The following HMCN2 variants were observed in gnomAD, a reference collection of about 807,000 sequenced individuals.
HMCN2 encodes the protein hemicentin 2.
Under a neutral mutation model 377.5 loss-of-function variants are expected in HMCN2, and 325 were observed. That is an observed-to-expected ratio of 0.86 (90% CI 0.79 to 0.94). HMCN2 has a LOEUF of 0.94. Among genes scored for constraint, HMCN2 ranks in the 40% least tolerant of loss-of-function variants. The pLI is 0.00. For synonymous variants in HMCN2, 2,007 were observed against 2,046.8 expected (o/e 0.98, Z 0.53); for missense variants, 4,543 against 4,725.3 (o/e 0.96, Z 1.13).
intron 23 of HMCN2, chr9:130,338,649 G>T (rs1032898342): frequency 1.3e-5 from 2 of 152,218 alleles, no homozygotes; most frequent in Non-Finnish European, 2.9e-5. Flanking sequence ...GTGTTCCCCT[G>T]GGGCTCATTC....
intron 71 of HMCN2, 47 bp downstream of exon 71, chr9:130,395,394 G>T: frequency 8.0e-7 from 1 of 1,255,314 alleles, no homozygotes; most frequent in Non-Finnish European, 1.0e-6. Context: ...GTCCCGCTCA[G>T]GCCTCAGACC....
intron 62 of HMCN2, among the ~76,000 whole-genome samples, chr9:130,388,891 A>T (rs1281404606): frequency 6.6e-6 from 1 of 152,152 alleles, no homozygotes; most frequent in Non-Finnish European, 1.5e-5. Context: ...ATTGGCCCCC[A>T]GAGCTGCTCC....
chr9:130,274,348 G>A lies in HMCN2; in HGVS notation c.259+8211G>A, dbSNP rs1169990908. On this transcript the variant is annotated intron_variant, in intron 1 of 97. Coordinates refer to ENST00000683500, the MANE Select transcript of HMCN2 (RefSeq NM_001291815.2). ...TGGGATTGCAGGTGTGAGCCACCGC[G>A]CCTGGCCAATGCGTTAATTTTCAAC... Among the ~76,000 whole-genome samples the A allele has an allele frequency of 4.6e-5, 7 of 152,152 alleles. No individual in the cohort carries two copies. In the East Asian group the frequency reaches 1.3e-3, roughly 29 times the overall value.
intron 1 of HMCN2, 94 bp from the exon 2 acceptor site, chr9:130,284,509 G>T: frequency 2.2e-6 from 1 of 455,248 alleles, no homozygotes. Context: ...CAGCTCCTCT[G>T]AACATCCATC....
rs780782257 is a variant in HMCN2 at position 130,391,061 on chromosome 9, C to T, written c.9608C>T (p.Thr3203Met). ...CAACCGGCCCAGGCGGGCACCTACA[C>T]GTGCGTGGCTGAGAACACCCAGGCT... ...RLQPAQAGTY[T>M]CVAENTQAEA... Residue 3203 changes from threonine (T) to methionine (M), a missense_variant, in exon 63 of 98, where the codon ACG (threonine) becomes ATG (methionine). Transcript: ENST00000683500. The T allele has an allele frequency of 4.0e-5, 40 of 987,862 alleles. No individual in the cohort carries two copies. Among genetic ancestry groups the T allele is most frequent in the Non-Finnish European group, 4.6e-5 (38 of 830,382 alleles). 61.2% of individuals were successfully genotyped at this position (987,862 alleles called of 1,614,324 possible). A position where few individuals can be genotyped will look rare whatever the true frequency, so the allele number is the denominator to read the frequency against.
In HMCN2 at chr9:130,310,080, TC is replaced by T; in HGVS notation, c.2350+24del. 1 of 510,976 alleles carries T rather than the reference TC, an allele frequency of 2.0e-6. No individual in the cohort carries two copies. The highest frequency in any genetic ancestry group is 4.1e-6 in the Non-Finnish European group (1 of 246,020). The allele number at this position is 510,976 out of a possible 1,614,324, so 31.7% of individuals were successfully genotyped here. A position where few individuals can be genotyped will look rare whatever the true frequency, so the allele number is the denominator to read the frequency against. On this transcript the variant is annotated intron_variant, in intron 15 of 97. Transcript: ENST00000683500. ...GTTGGACGTGAGTGTATACCTTGTCTCCCCCTCCCCTGCCCATTCCCCTTTC... is the reference window on the plus strand; with the variant it reads ...GTTGGACGTGAGTGTATACCTTGTCTCCCCTCCCCTGCCCATTCCCCTTTC...
chr9:130,345,848 C>T (rs2131499089), intron 25 of HMCN2, among the ~76,000 whole-genome samples: 1 of 152,056 alleles, frequency 6.6e-6, no homozygotes, highest in East Asian at 1.9e-4. Context: ...GTCTCTGGCA[C>T]TTTACGGTGG....
chr9:130,332,917 G>A (rs902518716), intron 22 of HMCN2, among the ~76,000 whole-genome samples: 10 of 152,174 alleles, frequency 6.6e-5, no homozygotes, highest in Non-Finnish European at 7.3e-5. Context: ...CACGGCCGCC[G>A]GCCCTGCTCC....
intron 56 of HMCN2, 28 bp from the exon 57 acceptor site, chr9:130,383,476 T>A: frequency 1.0e-6 from 1 of 970,978 alleles, no homozygotes; most frequent in Non-Finnish European, 1.2e-6. Flanking sequence ...CTCAGGTATC[T>A]CCCAGGCATG....
Position 130,349,481 on chromosome 9 carries a change from G to A in HMCN2, c.4304-56G>A, listed in dbSNP as rs1839578343. On this transcript the variant is annotated intron_variant, in intron 28 of 97. Transcript: ENST00000683500. ...CTGCACAGACAAAGGCCCCGTGGTA[G>A]GCGGGGCTTGCAGGGTTTGAACAGT... The A allele has an allele frequency of 6.2e-6, 8 of 1,286,120 alleles. No individual in the cohort carries two copies. In the South Asian group the frequency reaches 8.9e-5, roughly 14 times the overall value. The allele number at this position is 1,286,120 out of a possible 1,614,324, so 79.7% of individuals were successfully genotyped here.
At position 130,360,866 on chromosome 9, in the gene HMCN2, A is replaced by G. The variant is rs1840351212; in HGVS notation, c.5950+262A>G. The stretch of plus-strand genomic sequence containing the variant: ...CCACCTATCCACCCATCCATCCATC[A>G]ACTCATCTATCCATCCATCCATCCA... On this transcript the variant is annotated intron_variant, in intron 38 of 97. Transcript: ENST00000683500. This position sits in a 1 kb window ranked among gnomAD's most constrained non-coding sequence, Gnocchi z 4.7. Among the ~76,000 whole-genome samples the G allele has an allele frequency of 6.8e-6, 1 of 146,150 alleles. No homozygotes were observed. Among genetic ancestry groups the G allele is most frequent in the Admixed American group, 6.8e-5 (1 of 14,768 alleles).
intron 59 of HMCN2, 35 bp from the exon 60 acceptor site, chr9:130,385,525 C>G: frequency 7.8e-7 from 1 of 1,276,286 alleles, no homozygotes; most frequent in Non-Finnish European, 1.0e-6. Flanking sequence ...GCAGGGACAG[C>G]TGCAGCACCT....
At chr9:130,350,460 G>A (rs542613865) in intron 29 of HMCN2, among the ~76,000 whole-genome samples, 1 of 151,820 alleles carries the variant, frequency 6.6e-6, no homozygotes, top group African/African-American at 2.4e-5. Context: ...GGGAGGCTGA[G>A]GCAAGAGAAT....
chr9:130,429,862 C>T (rs995845114), intron 94 of HMCN2, 177 bp downstream of exon 94: 32 of 1,217,458 alleles, frequency 2.6e-5, no homozygotes, highest in Non-Finnish European at 3.2e-5. Context: ...AATAACCAAA[C>T]AGCAGCCGAC....
chr9:130,349,717 C>T (rs1839597895), intron 29 of HMCN2, 54 bp downstream of exon 29: 7 of 1,278,116 alleles, frequency 5.5e-6, no homozygotes, highest in Non-Finnish European at 6.2e-6. Flanking sequence ...ACTCAGCCTG[C>T]TGGATGTGGG....
intron 90 of HMCN2, among the ~76,000 whole-genome samples, chr9:130,426,844 C>T (rs1407766368): frequency 2.0e-5 from 3 of 151,256 alleles, no homozygotes; most frequent in African/African-American, 7.3e-5. Flanking sequence ...CTTCTTCCAG[C>T]GTGGCCCACA....
At position 130,321,855 on chromosome 9, in the gene HMCN2, G is replaced by C. The variant is rs1837870225; in HGVS notation, c.2844G>C (p.Glu948Asp). 1 of 152,114 alleles carries C rather than the reference G, an allele frequency of 6.6e-6. No homozygotes were observed. Among genetic ancestry groups the C allele is most frequent in the Admixed American group, 6.5e-5 (1 of 15,274 alleles). The allele number at this position is 152,114 out of a possible 1,614,324, so 9.4% of individuals were successfully genotyped here. Residue 948 changes from glutamate (E) to aspartate (D), a missense_variant, in exon 19 of 98, where the codon GAG becomes GAC. By Grantham distance (45) the Glu-to-Asp change is conservative. Around this residue, in one of 5 missense-constraint regions of HMCN2, gnomAD observed 547 missense variants for 189.9 expected, o/e 2.88. Transcript: ENST00000683500. ...TCCACCTTGACCGAGCATTGCAGGA[G>C]CACGCGGGGAGGTACAGCTGTGTGG... ...GSLHLDRALQ[E>D]HAGRYSCVAT...
intron 25 of HMCN2, among the ~76,000 whole-genome samples, chr9:130,346,218 C>T (rs1839384601): frequency 6.6e-6 from 1 of 152,060 alleles, no homozygotes; most frequent in Non-Finnish European, 1.5e-5. Flanking sequence ...GAGTGTGTGC[C>T]TGGGGCTCAC....
intron 47 of HMCN2, among the ~76,000 whole-genome samples, chr9:130,372,776 A>T (rs1234949070): frequency 6.6e-6 from 1 of 152,178 alleles, no homozygotes; most frequent in Non-Finnish European, 1.5e-5. Context: ...GGACAATCGA[A>T]AGTGGAAGGG....
Sources: gnomAD v4.1 joint callset for allele counts (sites outside exome capture counted in the v4.1 genomes callset) on GRCh38, gnomAD v4.1.1 for gene constraint, gnomAD v4.1.1 regional missense constraint, Gnocchi (gnomAD v3.1) non-coding constraint, MANE v1.5 for transcripts, NCBI Gene and HGNC (gene_info 2026-07-23, HGNC 2026-07-21) for gene names.